Variants in BMPR2 observed in about 807,000 individuals in gnomAD.
BMPR2 encodes the protein bone morphogenetic protein receptor type-2.
BMPR2 carries 29 observed loss-of-function variants against 100.8 expected under a neutral mutation model. That is an observed-to-expected ratio of 0.29 (90% CI 0.21 to 0.39). BMPR2 has a LOEUF of 0.39. Ranked by LOEUF, BMPR2 falls within the 10% of genes least tolerant of loss-of-function variation. The probability of loss-of-function intolerance (pLI) is 1.00; values close to 1 mark genes in which losing one functional copy is unlikely to be tolerated. For missense variants in BMPR2, 1,011 were observed against 1,274.5 expected (o/e 0.79, Z 3.15); for synonymous variants, 382 against 442.3 (o/e 0.86, Z 1.71).
At chr2:202,535,367 A>G (rs935568474) in intron 9 of BMPR2, among the ~76,000 whole-genome samples, 2 of 142,764 alleles carry the variant, frequency 1.4e-5, no homozygotes, top group Non-Finnish European at 3.0e-5. Context: ...CACTTCTCAG[A>G]CGGGGCGGCC....
At chr2:202,520,341 A>G (rs1687799178) in intron 7 of BMPR2, 140 bp downstream of exon 7, 5 of 713,986 alleles carry the variant, frequency 7.0e-6, no homozygotes, top group Non-Finnish European at 2.4e-6. Context: ...AAGATTCAGC[A>G]TGAAATGCAT....
At chr2:202,404,442 C>T (rs926272354) in intron 1 of BMPR2, among the ~76,000 whole-genome samples, 7 of 152,080 alleles carry the variant, frequency 4.6e-5, no homozygotes, top group African/African-American at 1.2e-4. Flanking sequence ...GTGATTCGCC[C>T]GCCTTGGCCT....
intron 5 of BMPR2, among the ~76,000 whole-genome samples, chr2:202,515,798 C>T (rs1407859441): frequency 1.3e-5 from 2 of 151,102 alleles, no homozygotes; most frequent in African/African-American, 2.4e-5. Flanking sequence ...CTGAGGCTAG[C>T]GAATTGCTTG....
At chr2:202,443,516 TCTTTC>T (rs1291409746) in intron 1 of BMPR2, among the ~76,000 whole-genome samples, 1 of 150,102 alleles carries the variant, frequency 6.7e-6, no homozygotes, top group African/African-American at 2.5e-5. Flanking sequence ...TCTCTCTCTT[TCTTTC>T]CTTTCTTTCT....
chr2:202,498,399 A>G (rs943429995), intron 3 of BMPR2, among the ~76,000 whole-genome samples: 2 of 152,164 alleles, frequency 1.3e-5, no homozygotes, highest in Non-Finnish European at 2.9e-5. Context: ...AGCAGGGTCC[A>G]GGGACCGTTG....
chr2:202,380,161 C>T (rs1690246808), intron 1 of BMPR2, among the ~76,000 whole-genome samples: 1 of 151,460 alleles, frequency 6.6e-6, no homozygotes, highest in Non-Finnish European at 1.5e-5. Flanking sequence ...CCACCACACC[C>T]CGCCTAATTC....
chr2:202,441,368 A>G (rs1691736096), intron 1 of BMPR2, among the ~76,000 whole-genome samples: 1 of 150,382 alleles, frequency 6.6e-6, no homozygotes, highest in South Asian at 2.1e-4. Context: ...CTTTTTTGAA[A>G]TTCTAAACAC....
intron 3 of BMPR2, chr2:202,469,632 C>A: frequency 5.7e-6 from 1 of 176,308 alleles, no homozygotes; most frequent in South Asian, 1.0e-4. Flanking sequence ...GTGTCTGCCA[C>A]CACACCCAGC....
intron 1 of BMPR2, among the ~76,000 whole-genome samples, chr2:202,459,799 A>C (rs552563879): frequency 7.0e-4 from 106 of 152,362 alleles, no homozygotes; most frequent in African/African-American, 2.4e-3. Flanking sequence ...TCTGCATGGC[A>C]AAAGAAACTA....
chr2:202,524,348 C>G (rs1198689899), intron 7 of BMPR2, among the ~76,000 whole-genome samples: 1 of 139,992 alleles, frequency 7.1e-6, no homozygotes, highest in Non-Finnish European at 1.5e-5. Flanking sequence ...GGCGACAGAT[C>G]GAGAGTCTGT....
At chr2:202,516,014 CAAAT>C (rs1223952266) in intron 5 of BMPR2, among the ~76,000 whole-genome samples, 3 of 152,108 alleles carry the variant, frequency 2.0e-5, no homozygotes, top group Non-Finnish European at 2.9e-5. Flanking sequence ...TAATAGACAA[CAAAT>C]AAATACTCCT....
At chr2:202,498,859 T>C (rs1368353434) in intron 3 of BMPR2, among the ~76,000 whole-genome samples, 1 of 152,010 alleles carries the variant, frequency 6.6e-6, no homozygotes, top group East Asian at 1.9e-4. Context: ...GCAAATGGAG[T>C]GTCTTACCTT....
intron 1 of BMPR2, among the ~76,000 whole-genome samples, chr2:202,433,800 C>T (rs756780968): frequency 2.7e-5 from 4 of 150,142 alleles, no homozygotes; most frequent in Non-Finnish European, 4.4e-5. Flanking sequence ...CCCAGCTGCT[C>T]GGGAGGCTGA....
At position 202,482,604 on chromosome 2, in the gene BMPR2, T is replaced by C. The variant is rs1574471187; in HGVS notation, c.418+14915T>C. On this transcript the variant is annotated intron_variant, in intron 3 of 12. Coordinates refer to ENST00000374580, the MANE Select transcript of BMPR2 (RefSeq NM_001204.7). ...CCCAGGCTGGAGTACAGTGGCACGA[T>C]CTCGGCTCACTGCAACCTCCGCCTC... Among the ~76,000 whole-genome samples the C allele has an allele frequency of 2.6e-5, 4 of 151,232 alleles. No individual in the cohort carries two copies. The South Asian group carries it at 8.4e-4, about 32-fold the overall frequency.
Position 202,567,355 on chromosome 2 carries a change from A to G in BMPR2, c.*7409A>G, listed in dbSNP as rs1688780936. On this transcript the variant is annotated 3_prime_UTR_variant, in exon 13 of 13. Transcript: ENST00000374580. ...AGAACCCTCTTTCTTGTTAACGGGTATCTTTTGTTGGTGTGTTTTGCTCTT... is the reference window on the plus strand; with the variant it reads ...AGAACCCTCTTTCTTGTTAACGGGTGTCTTTTGTTGGTGTGTTTTGCTCTT... 1 of 152,616 alleles carries G rather than the reference A, an allele frequency of 6.6e-6. No homozygotes were observed. Among genetic ancestry groups the G allele is most frequent in the Admixed American group, 6.5e-5 (1 of 15,274 alleles). 9.5% of individuals were successfully genotyped at this position (152,616 alleles called of 1,614,324 possible).
intron 7 of BMPR2, among the ~76,000 whole-genome samples, chr2:202,525,768 C>T (rs1401230809): frequency 6.7e-6 from 1 of 150,164 alleles, no homozygotes; most frequent in South Asian, 2.1e-4. Flanking sequence ...AGCCTTTGCT[C>T]GTGTTTCAGA....
intron 1 of BMPR2, among the ~76,000 whole-genome samples, chr2:202,406,284 G>T (rs2105913841): frequency 6.6e-6 from 1 of 152,310 alleles, no homozygotes; most frequent in South Asian, 2.1e-4. Context: ...CGAGTAAGTT[G>T]TAGCCCCTTG....
Position 202,447,484 on chromosome 2 carries a change from T to C in BMPR2, c.77-17325T>C, listed in dbSNP as rs571241780. The stretch of plus-strand genomic sequence containing the variant: ...AGGTGGGAGGAATCCTTGAACTAGC[T>C]TGTGCAAGAGGGCGAGACCCCATCT... On this transcript the variant is annotated intron_variant, in intron 1 of 12. Transcript: ENST00000374580. Among the ~76,000 whole-genome samples the C allele has an allele frequency of 7.3e-5, 11 of 150,696 alleles. No homozygotes were observed. The South Asian group carries it at 1.2e-3, about 17-fold the overall frequency.
chr2:202,551,862 A>ATTTTT (rs35621004), intron 10 of BMPR2, among the ~76,000 whole-genome samples: 1 of 130,382 alleles, frequency 7.7e-6, no homozygotes, highest in Non-Finnish European at 1.6e-5. Flanking sequence ...ATGCTGGCTA[A>ATTTTT]TTTTTTTTTT....
Sources: allele counts gnomAD v4.1 joint callset (sites outside exome capture counted in the v4.1 genomes callset), GRCh38; gene constraint gnomAD v4.1.1; transcripts MANE v1.5; gene names NCBI Gene and HGNC (gene_info 2026-07-23, HGNC 2026-07-21).